Variants in GRID2 observed in about 807,000 individuals in gnomAD.
GRID2 encodes glutamate ionotropic receptor delta type subunit 2.
In GRID2, 33 loss-of-function variants were observed where a neutral mutation model predicts 114.8. That is an observed-to-expected ratio of 0.29 (90% CI 0.22 to 0.38). GRID2 has a LOEUF of 0.38. Among genes scored for constraint, GRID2 ranks in the 10% least tolerant of loss-of-function variants. The pLI is 1.00. For missense variants in GRID2, 1,184 were observed against 1,257.7 expected (o/e 0.94, Z 0.89); for synonymous variants, 505 against 449.9 (o/e 1.12, Z -1.55).
At chr4:93,011,885 A>G (rs545612885) in intron 2 of GRID2, among the ~76,000 whole-genome samples, 91 of 152,126 alleles carry the variant, frequency 6.0e-4, no homozygotes, top group African/African-American at 2.1e-3. Context: ...AGCTTCCTAA[A>G]TCGGATCTGC....
intron 9 of GRID2, among the ~76,000 whole-genome samples, chr4:93,418,620 A>G (rs1386559886): frequency 6.6e-6 from 1 of 152,004 alleles, no homozygotes; most frequent in Non-Finnish European, 1.5e-5. Context: ...TTGAAGAATT[A>G]TTATGTTGGT....
chr4:92,803,879 A>C, intron 2 of GRID2, among the ~76,000 whole-genome samples: 1 of 151,994 alleles, frequency 6.6e-6, no homozygotes, highest in African/African-American at 2.4e-5. Context: ...AGAAGTCTGA[A>C]ATCAGGATGT....
intron 1 of GRID2, among the ~76,000 whole-genome samples, chr4:92,436,924 A>C (rs1005198119): frequency 2.6e-5 from 4 of 152,152 alleles, no homozygotes; most frequent in Non-Finnish European, 4.4e-5. Flanking sequence ...TAGGTAATGA[A>C]TGCTTTATGT....
At chr4:93,098,383 T>C (rs1057212370) in intron 3 of GRID2, among the ~76,000 whole-genome samples, 1 of 151,928 alleles carries the variant, frequency 6.6e-6, no homozygotes, top group Admixed American at 6.6e-5. Flanking sequence ...TGGCAGTCGT[T>C]CCAGGCAGAC....
chr4:92,669,452 T>C (rs1300638756), intron 2 of GRID2, among the ~76,000 whole-genome samples: 1 of 151,984 alleles, frequency 6.6e-6, no homozygotes, highest in Non-Finnish European at 1.5e-5. Context: ...GCAGAAGATA[T>C]CTTTTTAAAG....
At chr4:93,602,392 T>G (rs1739766751) in intron 13 of GRID2, among the ~76,000 whole-genome samples, 1 of 152,210 alleles carries the variant, frequency 6.6e-6, no homozygotes, top group African/African-American at 2.4e-5. Flanking sequence ...CCACAGAGAT[T>G]GTGTGTTCAG....
At chr4:93,090,338 T>C (rs902366294) in intron 3 of GRID2, among the ~76,000 whole-genome samples, 3 of 152,192 alleles carry the variant, frequency 2.0e-5, no homozygotes, top group Non-Finnish European at 4.4e-5. Context: ...CTTAAGTTTC[T>C]GCATAAACCT....
chr4:93,130,213 G>T (rs940505574), intron 4 of GRID2, among the ~76,000 whole-genome samples: 1 of 152,194 alleles, frequency 6.6e-6, no homozygotes, highest in Non-Finnish European at 1.5e-5. Flanking sequence ...GCTGATGTGG[G>T]TGGATCACTT....
intron 4 of GRID2, among the ~76,000 whole-genome samples, chr4:93,123,968 A>AG: frequency 1.3e-5 from 1 of 76,474 alleles, no homozygotes; most frequent in East Asian, 4.3e-4. Context: ...AGGTTGGGGG[A>AG]GGGGGGAGGG....
intron 1 of GRID2, among the ~76,000 whole-genome samples, chr4:92,482,797 A>C (rs1279919819): frequency 6.6e-6 from 1 of 152,230 alleles, no homozygotes. Context: ...TAATTCTTCA[A>C]ACTCAGTATA....
rs1166193028 is a variant in GRID2, at chr4:92,590,511, G to A, written c.244+225G>A. On this transcript the variant is annotated intron_variant, in intron 2 of 15. Transcript: ENST00000282020. The stretch of plus-strand genomic sequence containing the variant: ...ATTAATTGAAATATAATATGAAAAT[G>A]AACAAATATTTACATGTAAAAGCTT... Among the ~76,000 whole-genome samples the A allele has an allele frequency of 5.4e-5, 8 of 147,382 alleles. No homozygotes were observed. In the Admixed American group the frequency reaches 5.6e-4, roughly 10 times the overall value.
At chr4:92,683,798 A>G in intron 2 of GRID2, among the ~76,000 whole-genome samples, 1 of 152,054 alleles carries the variant, frequency 6.6e-6, no homozygotes, top group East Asian at 1.9e-4. Flanking sequence ...AAATAAATTC[A>G]GTTACATAAT....
At chr4:93,702,073 G>T (rs1471935604) in intron 14 of GRID2, among the ~76,000 whole-genome samples, 3 of 152,160 alleles carry the variant, frequency 2.0e-5, no homozygotes, top group South Asian at 4.1e-4. Flanking sequence ...GTTTGGTGAT[G>T]CTTGATTAGA....
intron 2 of GRID2, among the ~76,000 whole-genome samples, chr4:92,720,675 A>G (rs1485534187): frequency 2.0e-5 from 3 of 152,110 alleles, no homozygotes; most frequent in Non-Finnish European, 4.4e-5. Context: ...AAAGGAACTG[A>G]AAAAATATCT....
At chr4:93,529,311 T>C (rs1176490969) in intron 13 of GRID2, among the ~76,000 whole-genome samples, 1 of 152,194 alleles carries the variant, frequency 6.6e-6, no homozygotes, top group Non-Finnish European at 1.5e-5. Flanking sequence ...TGAGAATCAC[T>C]CTTCTGGGTA....
At chr4:93,327,920 A>G (rs1758015120) in intron 8 of GRID2, among the ~76,000 whole-genome samples, 1 of 152,134 alleles carries the variant, frequency 6.6e-6, no homozygotes. Context: ...ACTAGTCTCA[A>G]CCACCATCAT....
intron 2 of GRID2, among the ~76,000 whole-genome samples, chr4:92,831,713 T>C (rs1742115270): frequency 6.6e-6 from 1 of 151,856 alleles, no homozygotes; most frequent in South Asian, 2.1e-4. Context: ...TAAAGTTAGC[T>C]GGGGGTGGTG....
chr4:93,766,594 T>C (rs925879083), intron 14 of GRID2, among the ~76,000 whole-genome samples: 3 of 152,178 alleles, frequency 2.0e-5, no homozygotes, highest in Non-Finnish European at 2.9e-5. Context: ...GATAACAGGA[T>C]CTCATTTTGT....
chr4:93,492,634 C>A (rs1376379788), intron 12 of GRID2, among the ~76,000 whole-genome samples: 1 of 151,774 alleles, frequency 6.6e-6, no homozygotes, highest in African/African-American at 2.4e-5. Context: ...AGGCATATAT[C>A]CCAACATGAG....
Sources: allele counts gnomAD v4.1 joint callset (sites outside exome capture counted in the v4.1 genomes callset), GRCh38; gene constraint gnomAD v4.1.1; transcripts MANE v1.5; gene names NCBI Gene and HGNC (gene_info 2026-07-23, HGNC 2026-07-21).